Variants in RUVBL1 observed in about 807,000 individuals in gnomAD.
RUVBL1 encodes the protein RuvB like AAA ATPase 1, also known as ruvB-like 1.
In RUVBL1, 4 loss-of-function variants were observed where a neutral mutation model predicts 52.4. The ratio of observed to expected loss-of-function variants is 0.08; its 90% confidence interval spans 0.04 to 0.17. The LOEUF (loss-of-function observed/expected upper bound fraction) is 0.17. RUVBL1 is among the 10% of genes least tolerant of loss of function. RUVBL1 has a pLI of 1.00. For synonymous variants in RUVBL1, 217 were observed against 214.4 expected (o/e 1.01, Z -0.10); for missense variants, 298 against 572.8 (o/e 0.52, Z 4.90).
At chr3:128,097,279 G>C in intron 8 of RUVBL1, 21 bp downstream of exon 8, 2 of 1,608,728 alleles carry the variant, frequency 1.2e-6, no homozygotes, top group Non-Finnish European at 1.7e-6. Context: ...AAGCCTTGTG[G>C]CTGGCAGGCA....
intron 1 of RUVBL1, among the ~76,000 whole-genome samples, chr3:128,130,881 A>G (rs1039902477): frequency 7.9e-5 from 12 of 151,694 alleles, no homozygotes; most frequent in Non-Finnish European, 1.8e-4. Context: ...CGATCTCCTG[A>G]CGTCGTGATC....
chr3:128,120,847 C>T (rs1195169738), intron 1 of RUVBL1, among the ~76,000 whole-genome samples: 1 of 152,000 alleles, frequency 6.6e-6, no homozygotes, highest in African/African-American at 2.4e-5. Context: ...GTCTCAATCT[C>T]CCGACCATGT....
chr3:128,143,954 T>C (rs1391023747), intron 1 of RUVBL1, among the ~76,000 whole-genome samples: 6 of 152,242 alleles, frequency 3.9e-5, no homozygotes, highest in Admixed American at 3.9e-4. Context: ...ATGCCCATTT[T>C]GCAGGTGGAA....
intron 1 of RUVBL1, among the ~76,000 whole-genome samples, chr3:128,150,847 ATT>A (rs1473252337): frequency 1.2e-5 from 1 of 85,090 alleles, no homozygotes; most frequent in Non-Finnish European, 2.0e-5. Flanking sequence ...TTCTATATAT[ATT>A]CTATATATTA....
intron 8 of RUVBL1, among the ~76,000 whole-genome samples, chr3:128,090,348 T>C (rs1942802503): frequency 6.6e-6 from 1 of 151,814 alleles, no homozygotes; most frequent in African/African-American, 2.4e-5. Context: ...TGAAACCCCG[T>C]CTCTACTAAA....
At chr3:128,150,753 C>A (rs1268762867) in intron 1 of RUVBL1, among the ~76,000 whole-genome samples, 1 of 95,622 alleles carries the variant, frequency 1.0e-5, no homozygotes, top group Non-Finnish European at 1.9e-5. Flanking sequence ...ATTATATATT[C>A]TCTATATATT....
At chr3:128,126,804 G>A (rs1415234820), upstream of RUVBL1, among the ~76,000 whole-genome samples, 1 of 152,184 alleles carries the variant, frequency 6.6e-6, no homozygotes, top group African/African-American at 2.4e-5. Flanking sequence ...CAGTGGACAG[G>A]GTTATTCCTG....
At chr3:128,088,366 A>G (rs1308850837) in intron 8 of RUVBL1, among the ~76,000 whole-genome samples, 1 of 149,734 alleles carries the variant, frequency 6.7e-6, no homozygotes, top group Admixed American at 6.7e-5. Context: ...ACTCAAAAAT[A>G]ATCATCTAGA....
chr3:128,153,002 G>GCCCCCCCCGC (rs1349230017), intron 1 of RUVBL1, among the ~76,000 whole-genome samples: 1 of 37,726 alleles, frequency 2.7e-5, no homozygotes, highest in Admixed American at 3.0e-4. Flanking sequence ...CGCCCCCCCC[G>GCCCCCCCCGC]CCCCCCTTCG....
intron 1 of RUVBL1, among the ~76,000 whole-genome samples, chr3:128,152,085 T>A (rs1445190903): frequency 1.3e-5 from 2 of 152,216 alleles, no homozygotes; most frequent in African/African-American, 4.8e-5. Flanking sequence ...CATCTTAGAC[T>A]CTTTTAACTT....
intron 1 of RUVBL1, among the ~76,000 whole-genome samples, chr3:128,145,428 G>C (rs1404462494): frequency 6.6e-6 from 1 of 152,206 alleles, no homozygotes; most frequent in Non-Finnish European, 1.5e-5. Context: ...GTGAGTTTCT[G>C]TCATTTGTCC....
intron 1 of RUVBL1, among the ~76,000 whole-genome samples, chr3:128,134,793 TAA>T (rs879278957): frequency 7.7e-6 from 1 of 130,472 alleles, no homozygotes; most frequent in Non-Finnish European, 1.7e-5. Flanking sequence ...AAACTTTGTC[TAA>T]AAAAAAAAAG....
intron 9 of RUVBL1, among the ~76,000 whole-genome samples, chr3:128,086,242 C>A (rs1308976090): frequency 6.6e-6 from 1 of 152,206 alleles, no homozygotes; most frequent in Non-Finnish European, 1.5e-5. Flanking sequence ...AGTGACCCTC[C>A]AGCCTCAGCC....
chr3:128,150,791 C>T lies in RUVBL1; in HGVS notation c.-40+2412G>A, dbSNP rs1402256330. Among the ~76,000 whole-genome samples the T allele has an allele frequency of 1.1e-4, 8 of 69,804 alleles. No homozygotes were observed. The South Asian group carries it at 2.2e-3, about 19-fold the overall frequency. The allele number at this position is 69,804 out of a possible 152,430, so 45.8% of individuals were successfully genotyped here. A position where few individuals can be genotyped will look rare whatever the true frequency, so the allele number is the denominator to read the frequency against. On this transcript the variant is annotated intron_variant, in intron 1 of 9. Coordinates refer to the RUVBL1 transcript ENST00000464873. ...ATATATTATATATTCTATATATATT[C>T]TATATATTATATATTCTATATATTA... is the stretch of plus-strand genomic sequence containing the variant.
At chr3:128,153,662 G>A in exon 1 of RUVBL1, 1 of 1,597,522 alleles carries the variant, frequency 6.3e-7, no homozygotes, top group Admixed American at 1.7e-5. Flanking sequence ...CTCGATCTGG[G>A]CTTCTCGTGC....
At chr3:128,077,379 G>C (rs893231617), downstream of RUVBL1, among the ~76,000 whole-genome samples, 1 of 152,234 alleles carries the variant, frequency 6.6e-6, no homozygotes, top group African/African-American at 2.4e-5. Context: ...AGAACAAATG[G>C]AAGGGGAGTG....
chr3:128,091,376 GATA>G (rs1406524748), intron 8 of RUVBL1, among the ~76,000 whole-genome samples: 1 of 152,202 alleles, frequency 6.6e-6, no homozygotes, highest in East Asian at 1.9e-4. Context: ...TAAGAAGCTG[GATA>G]ATAATTACAT....
chr3:128,122,654 G>A (rs2107721024), intron 1 of RUVBL1, among the ~76,000 whole-genome samples: 1 of 152,330 alleles, frequency 6.6e-6, no homozygotes, highest in Middle Eastern at 3.4e-3. Context: ...CAGGCTAAGA[G>A]GCAGTAGCTT....
chr3:128,132,121 C>G (rs901113545), intron 1 of RUVBL1, among the ~76,000 whole-genome samples: 9 of 152,204 alleles, frequency 5.9e-5, no homozygotes, highest in Non-Finnish European at 1.3e-4. Flanking sequence ...TACTGGAACT[C>G]AGTGCTGCCC....
Sources: allele counts gnomAD v4.1 joint callset (sites outside exome capture counted in the v4.1 genomes callset), GRCh38; gene constraint gnomAD v4.1.1; transcripts MANE v1.5; gene names NCBI Gene and HGNC (gene_info 2026-07-23, HGNC 2026-07-21).